Variants in MCC observed in about 807,000 individuals in gnomAD.
The protein encoded by MCC is colorectal mutant cancer protein.
In MCC, 90 loss-of-function variants were observed where a neutral mutation model predicts 116.2. That is an observed-to-expected ratio of 0.77 (90% CI 0.65 to 0.92). The LOEUF (loss-of-function observed/expected upper bound fraction) is 0.92. Among genes scored for constraint, MCC ranks in the 40% least tolerant of loss-of-function variants. The probability of loss-of-function intolerance (pLI) is 0.00; values close to 1 mark genes in which losing one functional copy is unlikely to be tolerated. For synonymous variants in MCC, 578 were observed against 510.5 expected (o/e 1.13, Z -1.78); for missense variants, 1,516 against 1,312.2 (o/e 1.16, Z -2.40).
intron 2 of MCC, among the ~76,000 whole-genome samples, chr5:113,382,021 G>C (rs1035487135): frequency 1.3e-5 from 2 of 152,186 alleles, no homozygotes; most frequent in African/African-American, 4.8e-5. Flanking sequence ...GGAATCTTTG[G>C]ATTGCCAACA....
intron 1 of MCC, among the ~76,000 whole-genome samples, chr5:113,402,533 T>C (rs1769721934): frequency 1.3e-5 from 2 of 152,172 alleles, no homozygotes; most frequent in South Asian, 4.1e-4. Context: ...TTCTCCTAAA[T>C]ATCTTCCAAA....
chr5:113,049,721 C>A (rs1752360985), intron 15 of MCC, among the ~76,000 whole-genome samples: 1 of 152,218 alleles, frequency 6.6e-6, no homozygotes, highest in African/African-American at 2.4e-5. Flanking sequence ...TCTGGCCAAG[C>A]CCCTTCCAAT....
At chr5:113,257,517 G>A (rs1405823740) in intron 3 of MCC, among the ~76,000 whole-genome samples, 1 of 152,146 alleles carries the variant, frequency 6.6e-6, no homozygotes, top group Non-Finnish European at 1.5e-5. Context: ...GTGAGAAAGA[G>A]ACTGAGAAGC....
In MCC at chr5:113,062,186, G is replaced by C. The variant is rs183882985; in HGVS notation, c.2213+1798C>G. 5.3e-5 allele frequency among the ~76,000 whole-genome samples: 8 copies of C among 152,284 alleles called. No homozygotes were observed. The East Asian group carries it at 1.5e-3, about 29-fold the overall frequency. On this transcript the variant is annotated intron_variant, in intron 14 of 18. Transcript: ENST00000408903. ...CCATTTGAGACTGAAATTAATTTAA[G>C]AACCATTCTTTGGTGAGGTTATCCT...
chr5:113,340,760 A>C (rs1287283716), intron 2 of MCC, 30 bp from the exon 3 acceptor site: 2 of 1,594,636 alleles, frequency 1.3e-6, no homozygotes, highest in South Asian at 2.2e-5. Context: ...AGAAAATGAA[A>C]AGACATTTCC....
intron 5 of MCC, among the ~76,000 whole-genome samples, chr5:113,125,110 A>C (rs2150272348): frequency 6.6e-6 from 1 of 152,360 alleles, no homozygotes; most frequent in South Asian, 2.1e-4. Flanking sequence ...GAGGCTGGAG[A>C]GGCACTCATA....
chr5:113,306,260 G>A (rs986880435), intron 3 of MCC, among the ~76,000 whole-genome samples: 9 of 151,960 alleles, frequency 5.9e-5, no homozygotes, highest in East Asian at 3.9e-4. Context: ...CAATTCTCTC[G>A]GGTATATACC....
At chr5:113,154,766 AAATAT>A (rs1760080171) in intron 3 of MCC, among the ~76,000 whole-genome samples, 1 of 152,206 alleles carries the variant, frequency 6.6e-6, no homozygotes, top group African/African-American at 2.4e-5. Flanking sequence ...TTTTTTACTG[AAATAT>A]AATATTTATA....
intron 11 of MCC, among the ~76,000 whole-genome samples, chr5:113,071,634 C>T (rs1217542506): frequency 6.6e-6 from 1 of 152,204 alleles, no homozygotes; most frequent in Non-Finnish European, 1.5e-5. Flanking sequence ...AGCAAGACAG[C>T]AGTCATGGCT....
chr5:113,471,824 C>T (rs963390327), intron 1 of MCC, among the ~76,000 whole-genome samples: 12 of 151,148 alleles, frequency 7.9e-5, no homozygotes, highest in African/African-American at 1.5e-4. Flanking sequence ...GCTTCCCAGC[C>T]GCTTTGTTTT....
intron 2 of MCC, among the ~76,000 whole-genome samples, chr5:113,372,484 A>C (rs978378183): frequency 1.3e-5 from 2 of 152,192 alleles, no homozygotes; most frequent in Admixed American, 6.5e-5. Flanking sequence ...GACCTTGTAC[A>C]TGTTTTCTTA....
Position 113,487,228 on chromosome 5 carries a change from C to A in MCC, c.170+1017G>T, listed in dbSNP as rs348944. On this transcript the variant is annotated intron_variant, in intron 1 of 18. Coordinates refer to ENST00000408903, the MANE Select transcript of MCC (RefSeq NM_001085377.2). ...TTTTTTTTAGGTAGGCAGGGACAAT[C>A]AGGAAGCAGCCCCGGATTTTCAGAA... Among the ~76,000 whole-genome samples the A allele has an allele frequency of 2.7e-5, 4 of 150,208 alleles. No homozygotes were observed. In the East Asian group the frequency reaches 7.7e-4, roughly 29 times the overall value.
intron 3 of MCC, among the ~76,000 whole-genome samples, chr5:113,241,913 G>C (rs1001266283): frequency 6.6e-6 from 1 of 152,176 alleles, no homozygotes; most frequent in Non-Finnish European, 1.5e-5. Flanking sequence ...TATTCCCATA[G>C]AGCTTCAAAT....
rs1580929371 is a variant in MCC, at chr5:113,050,952, T to G, written c.2449-1653A>C. Among the ~76,000 whole-genome samples, 4 of 152,312 alleles carry G rather than the reference T, an allele frequency of 2.6e-5. 1 individual carries two copies. The South Asian group carries it at 8.3e-4, about 32-fold the overall frequency. On this transcript the variant is annotated intron_variant, in intron 15 of 18. Coordinates refer to ENST00000408903, the MANE Select transcript of MCC (RefSeq NM_001085377.2). ...TCTCATCAGGCTGCCCATAAGACACTAGGAAACTTCCTTTCTGGAGATGTG... is the reference window on the plus strand; with the variant it reads ...TCTCATCAGGCTGCCCATAAGACACGAGGAAACTTCCTTTCTGGAGATGTG...
intron 2 of MCC, 61 bp downstream of exon 2, chr5:113,384,907 A>G: frequency 6.3e-7 from 1 of 1,591,986 alleles, no homozygotes; most frequent in South Asian, 1.1e-5. Context: ...ACTCTCATTT[A>G]ATGAGAGATC....
intron 3 of MCC, among the ~76,000 whole-genome samples, chr5:113,249,410 A>C (rs940809966): frequency 6.6e-6 from 1 of 152,178 alleles, no homozygotes; most frequent in Non-Finnish European, 1.5e-5. Flanking sequence ...ACAATTCCTT[A>C]TATCTCTGCA....
chr5:113,478,936 T>C (rs1772303667), intron 1 of MCC, among the ~76,000 whole-genome samples: 1 of 152,200 alleles, frequency 6.6e-6, no homozygotes, highest in Non-Finnish European at 1.5e-5. Flanking sequence ...GATATGAATA[T>C]CTGGTAAGCA....
At chr5:113,290,442 T>C (rs796976491) in intron 3 of MCC, among the ~76,000 whole-genome samples, 4 of 152,356 alleles carry the variant, frequency 2.6e-5, no homozygotes, top group African/African-American at 7.2e-5. Context: ...GAGGTTATGA[T>C]TGCCATGGGA....
intron 4 of MCC, among the ~76,000 whole-genome samples, chr5:113,144,695 A>C (rs1481793530): frequency 1.3e-5 from 2 of 152,248 alleles, no homozygotes; most frequent in African/African-American, 4.8e-5. Flanking sequence ...CCTGCACCTC[A>C]ACAACAGCTG....
Sources: allele counts gnomAD v4.1 joint callset (sites outside exome capture counted in the v4.1 genomes callset), GRCh38; gene constraint gnomAD v4.1.1; transcripts MANE v1.5; gene names NCBI Gene and HGNC (gene_info 2026-07-23, HGNC 2026-07-21).